TFPT: variants seen among roughly 807,000 people sequenced by gnomAD.
The protein encoded by TFPT is INO80 complex subunit F.
In TFPT, 27 loss-of-function variants were observed where a neutral mutation model predicts 28.8. The ratio of observed to expected loss-of-function variants is 0.94; its 90% CI spans 0.69 to 1.29. The LOEUF is 1.29. TFPT is among the 50% of genes most tolerant of loss of function. The pLI, the probability that TFPT is intolerant of heterozygous loss-of-function variation, is 0.00. For missense variants in TFPT, 330 were observed against 338.0 expected, an observed-to-expected ratio of 0.98 and a Z score of 0.19; for synonymous variants, 152 against 142.8, an observed-to-expected ratio of 1.06 and a Z score of -0.46.
At chr19:54,108,882 A>G in intron 3 of TFPT, 1 of 345,540 alleles carries the variant, frequency 2.9e-6, no homozygotes, top group Non-Finnish European at 5.4e-6. Context: ...CCTCTGCACC[A>G]GCACCTGGGC....
At position 54,114,468 on chromosome 19, in the gene TFPT, C is replaced by CTAG. The variant is rs2073554541; in HGVS notation, c.253_255dup (p.Leu85dup). On this transcript the variant is annotated inframe_insertion, in exon 2 of 6. Transcript: ENST00000391759. ...TGCTCGATCTCCCGGCAGCGCCGACCTAGTGCCTGGTACTTTCTGCGATTT... is the reference window on the plus strand; with the variant it reads ...TGCTCGATCTCCCGGCAGCGCCGACCTAGTAGTGCCTGGTACTTTCTGCGATTT... 1 of 1,613,664 alleles carries CTAG rather than the reference C, an allele frequency of 6.2e-7. No individual in the cohort carries two copies. Among genetic ancestry groups the CTAG allele is most frequent in the Non-Finnish European group, 8.5e-7 (1 of 1,179,942 alleles).
chr19:54,110,856 C>T (rs1243408832), intron 2 of TFPT, among the ~76,000 whole-genome samples: 1 of 152,196 alleles, frequency 6.6e-6, no homozygotes, highest in East Asian at 1.9e-4. Context: ...ACCGCCTCTC[C>T]AGCCAGAGCA....
At chr19:54,107,352 G>A in intron 5 of TFPT, 183 bp from the exon 6 acceptor site, 1 of 745,584 alleles carries the variant, frequency 1.3e-6, no homozygotes, top group Non-Finnish European at 2.1e-6. Flanking sequence ...AGGCTCAAGT[G>A]ATCCTCCCAC....
intron 3 of TFPT, chr19:54,108,673 C>T (rs2073356083): frequency 7.6e-7 from 1 of 1,321,380 alleles, no homozygotes; most frequent in African/African-American, 1.5e-5. Context: ...GAAGTAGTGA[C>T]ACCAGACGAT....
In TFPT at chr19:54,107,071, C is replaced by T. The variant is rs772549976; in HGVS notation, c.741G>A (p.Leu247=). Residue 247 remains leucine (L), a synonymous_variant, in exon 6 of 6, where the codon CTG becomes CTA. Transcript: ENST00000391759. ...TGCGTCAGTCAGAGGCTGGGCTGGC[C>T]AGGGTCGGGTAGGGCAGCAGTTTGT... ...GPDKLLPYPT[L]ASPASD The T allele has an allele frequency of 1.7e-5, 27 of 1,613,662 alleles. No homozygotes were observed. In the East Asian group the frequency reaches 5.8e-4, roughly 35 times the overall value.
rs587639297 is a variant in TFPT at position 54,108,066 on chromosome 19, C to G, written c.602G>C (p.Arg201Pro). Residue 201 changes from arginine to proline, a missense_variant, in exon 5 of 6, where the codon CGA becomes CCA. Transcript: ENST00000391759. ...CTCTGGAGTCAGCGCATTTCCTGCT[C>G]GGCGTCCATCCCGTGGCACTCGCCG... is the stretch of plus-strand genomic sequence containing the variant. ...KRRRVPRDGR[R>P]AGNALTPELA... 1.9e-6 allele frequency: 3 copies of G among 1,541,442 alleles called. No individual in the cohort carries two copies. The African/African-American group carries it at 4.1e-5, about 21-fold the overall frequency.
At position 54,115,382 on chromosome 19, in the gene TFPT, GA is replaced by G; in HGVS notation, c.-114del. The G allele has an allele frequency of 1.3e-6, 2 of 1,513,964 alleles. No individual in the cohort carries two copies. The highest frequency in any genetic ancestry group is 1.8e-6 in the Non-Finnish European group (2 of 1,096,974). 93.8% of individuals were successfully genotyped at this position (1,513,964 alleles called of 1,614,324 possible). On this transcript the variant is annotated 5_prime_UTR_variant, in exon 1 of 6. Transcript: ENST00000391759. Reference sequence around the variant, plus strand: ...CAGGCTCAGCAGCCGAGGACGGCGGGACGTGGCCCTAGGCCTTGTGGGAGTT... The same window carrying G: ...CAGGCTCAGCAGCCGAGGACGGCGGGCGTGGCCCTAGGCCTTGTGGGAGTT...
At chr19:54,109,940 C>G in intron 3 of TFPT, 111 bp downstream of exon 3, 3 of 1,151,776 alleles carry the variant, frequency 2.6e-6, no homozygotes, top group South Asian at 2.5e-5. Flanking sequence ...TCTCCGGCTT[C>G]TCCTTGTGGC....
intron 2 of TFPT, among the ~76,000 whole-genome samples, chr19:54,112,505 G>A (rs2073483589): frequency 6.6e-6 from 1 of 151,972 alleles, no homozygotes; most frequent in African/African-American, 2.4e-5. Flanking sequence ...ATTAAGAATT[G>A]AGGCCAGATG....
rs1263660453 is a variant in TFPT at position 54,110,102 on chromosome 19, T to C, written c.302A>G (p.Asn101Ser). Reference sequence around the variant, plus strand: ...TATCCTCTGCACCTGATGGAGCCTGTTCAGGACCCGCTCGTTCACCTATGG... The same window carrying C: ...TATCCTCTGCACCTGATGGAGCCTGCTCAGGACCCGCTCGTTCACCTATGG... ...EIEQVNERVL[N>S]RLHQVQRITR... The change falls in exon 3 of 6, where the codon AAC (asparagine) becomes AGC (serine). Residue 101 changes from asparagine to serine, a missense_variant. By Grantham distance (46) the Asn-to-Ser change is conservative. Transcript: ENST00000391759. 1.6e-5 allele frequency: 26 copies of C among 1,614,054 alleles called. No individual in the cohort carries two copies. The highest frequency in any genetic ancestry group is 1.9e-5 in the Non-Finnish European group (23 of 1,180,030).
intron 3 of TFPT, chr19:54,108,664 A>T: frequency 7.4e-7 from 1 of 1,354,826 alleles, no homozygotes; most frequent in Non-Finnish European, 9.9e-7. Flanking sequence ...GGTGACACTG[A>T]AGTAGTGACA....
chr19:54,114,012 G>A (rs1213917641), intron 2 of TFPT, among the ~76,000 whole-genome samples: 1 of 152,204 alleles, frequency 6.6e-6, no homozygotes, highest in Non-Finnish European at 1.5e-5. Flanking sequence ...TCAGCAAGGA[G>A]GCTATTGCAG....
intron 2 of TFPT, among the ~76,000 whole-genome samples, chr19:54,110,727 AC>A (rs1402211987): frequency 3.4e-5 from 5 of 148,726 alleles, no homozygotes; most frequent in African/African-American, 1.2e-4. Flanking sequence ...AACACACCCG[AC>A]CCCCCTTCCC....
In TFPT at chr19:54,108,134, G is replaced by C. The variant is rs376106781; in HGVS notation, c.534C>G (p.Pro178=). 34 of 1,581,120 alleles carry C rather than the reference G, an allele frequency of 2.2e-5. No homozygotes were observed. Among genetic ancestry groups the C allele is most frequent in the Non-Finnish European group, 2.9e-5 (34 of 1,162,616 alleles). Residue 178 remains proline (P), a synonymous_variant, in exon 5 of 6, where the codon CCC becomes CCG. Coordinates refer to ENST00000391759, the MANE Select transcript of TFPT (RefSeq NM_013342.4). The stretch of plus-strand genomic sequence containing the variant: ...GCCCCTCACCGGGGGCTGGGCTGCC[G>C]GGTTCTGGGGGTGCAGGAGTCCTTC... ...PPRRTPAPPE[P]GSPAPGEGPS...
Position 54,113,093 on chromosome 19 carries a change from CAAAAAAAAAAAAA to C in TFPT, c.282+1336_282+1348del, listed in dbSNP as rs139440012. 1.7e-4 allele frequency among the ~76,000 whole-genome samples: 10 copies of C among 58,576 alleles called. No homozygotes were observed. In the East Asian group the frequency reaches 1.7e-3, roughly 10 times the overall value. The allele number at this position is 58,576 out of a possible 152,430, so 38.4% of individuals were successfully genotyped here. Reference sequence around the variant, plus strand: ...GGGAGACAAGAGCGAGACTCCACCTCAAAAAAAAAAAAAAAAAAAAAAAAAAAAGTTGAATTAT... The same window carrying C: ...GGGAGACAAGAGCGAGACTCCACCTCAAAAAAAAAAAAAAAGTTGAATTAT... On this transcript the variant is annotated intron_variant, in intron 2 of 5. Transcript: ENST00000391759.
Position 54,114,564 on chromosome 19 carries a change from C to A in TFPT, c.160G>T (p.Gly54Cys), listed in dbSNP as rs373003232. ...TCATCTCGCTCCCGGAGCCCTGAGC[C>A]GCCCAGACCACCTGACACAAACTCC... ...EVEFVSGGLG[G>C]SGLRERDEEE... The change falls in exon 2 of 6, where the codon GGC becomes TGC. Residue 54 changes from glycine to cysteine, a missense_variant. Physicochemically the swap from Gly to Cys is radical, Grantham distance 159 (BLOSUM62 -3). Coordinates refer to ENST00000391759, the MANE Select transcript of TFPT (RefSeq NM_013342.4). 3 of 1,614,106 alleles carry A rather than the reference C, an allele frequency of 1.9e-6. No homozygotes were observed. The highest frequency in any genetic ancestry group is 1.3e-5 in the African/African-American group (1 of 75,024).
intron 2 of TFPT, among the ~76,000 whole-genome samples, chr19:54,110,891 G>C (rs181893): frequency 0.016 from 2,499 of 152,234 alleles, 70 homozygotes; most frequent in African/African-American, 0.057. Flanking sequence ...ACAGCAACTT[G>C]TTTCTACATC....
chr19:54,108,723 A>G, intron 3 of TFPT: 4 of 918,956 alleles, frequency 4.4e-6, no homozygotes, highest in Non-Finnish European at 3.2e-6. Context: ...GTAAACATTC[A>G]TATGTGAGTT....
At chr19:54,107,814 G>A (rs1449742250) in intron 5 of TFPT, among the ~76,000 whole-genome samples, 2 of 151,846 alleles carry the variant, frequency 1.3e-5, no homozygotes, top group African/African-American at 4.8e-5. Context: ...CTACTTCCCT[G>A]CCTGATCCTA....
Sources: gnomAD v4.1 joint callset for allele counts (sites outside exome capture counted in the v4.1 genomes callset) on GRCh38, gnomAD v4.1.1 for gene constraint, MANE v1.5 for transcripts, NCBI Gene and HGNC (gene_info 2026-07-23, HGNC 2026-07-21) for gene names.